The following WNT2B variants were observed in gnomAD, a reference collection of about 807,000 sequenced individuals.
WNT2B encodes the protein Wnt family member 2B.
WNT2B carries 19 observed loss-of-function variants against 40.5 expected under a neutral mutation model. The observed-to-expected ratio is 0.47, with a 90% CI of 0.33 to 0.69. The LOEUF (loss-of-function observed/expected upper bound fraction) is 0.69, where lower values mean the gene tolerates loss of function less well. WNT2B is among the 30% of genes least tolerant of loss of function. The pLI is 0.02. For missense variants in WNT2B, 467 were observed against 556.4 expected (o/e 0.84, Z 1.62); for synonymous variants, 220 against 211.9 (o/e 1.04, Z -0.33).
At chr1:112,510,718 C>T (rs1490180445) in intron 1 of WNT2B, among the ~76,000 whole-genome samples, 1 of 151,144 alleles carries the variant, frequency 6.6e-6, no homozygotes, top group African/African-American at 2.4e-5. Context: ...TTTTAAATCT[C>T]TGCAGTGTTG....
chr1:112,511,309 A>C (rs1027056649), intron 1 of WNT2B, among the ~76,000 whole-genome samples: 1 of 152,338 alleles, frequency 6.6e-6, no homozygotes, highest in Admixed American at 6.5e-5. Flanking sequence ...GGAAGGCTGC[A>C]ACAGGGCCAG....
intron 1 of WNT2B, among the ~76,000 whole-genome samples, chr1:112,495,026 A>G (rs957763592): frequency 6.6e-6 from 1 of 151,534 alleles, no homozygotes; most frequent in Non-Finnish European, 1.5e-5. Flanking sequence ...TTATTTTGTT[A>G]TTACAAGGTA....
At chr1:112,484,613 A>C (rs1209804485) in intron 1 of WNT2B, among the ~76,000 whole-genome samples, 4 of 151,624 alleles carry the variant, frequency 2.6e-5, no homozygotes, top group Admixed American at 2.6e-4. Flanking sequence ...AATTTTTTAA[A>C]TCACCAAACT....
chr1:112,477,245 C>G (rs1651080365), intron 1 of WNT2B, among the ~76,000 whole-genome samples: 1 of 152,218 alleles, frequency 6.6e-6, no homozygotes, highest in African/African-American at 2.4e-5. Context: ...GAGCCATTGG[C>G]CATGCTGATC....
intron 1 of WNT2B, among the ~76,000 whole-genome samples, chr1:112,492,001 T>C (rs1288756035): frequency 6.6e-6 from 1 of 152,022 alleles, no homozygotes; most frequent in Non-Finnish European, 1.5e-5. Flanking sequence ...CTAAGTAAGA[T>C]AGTAACCTGG....
chr1:112,478,956 T>C (rs2101053793), intron 1 of WNT2B, among the ~76,000 whole-genome samples: 1 of 152,202 alleles, frequency 6.6e-6, no homozygotes, highest in African/African-American at 2.4e-5. Context: ...GCGCAGTGGC[T>C]GATACCTGTA....
intron 1 of WNT2B, chr1:112,491,186 G>A: frequency 9.1e-7 from 1 of 1,093,318 alleles, no homozygotes; most frequent in Non-Finnish European, 1.3e-6. Context: ...GAGGCGGGTG[G>A]ATCACAAGGG....
chr1:112,528,569 T>C lies in WNT2B; in HGVS notation c.*8060T>C, dbSNP rs910765631. The C allele has an allele frequency of 3.3e-5, 5 of 152,220 alleles. No homozygotes were observed. The highest frequency in any genetic ancestry group is 7.3e-5 in the Non-Finnish European group (5 of 68,036). 9.4% of individuals were successfully genotyped at this position (152,220 alleles called of 1,614,324 possible). On this transcript the variant is annotated 3_prime_UTR_variant, in exon 5 of 5. Transcript: ENST00000369684. The stretch of plus-strand genomic sequence containing the variant: ...AACTACAGCTCCTTATCATTTGAGA[T>C]TCTGGGCTAAGTAAGAGATATCAAA...
At chr1:112,467,251 G>A in exon 1 of WNT2B, 1 of 416,934 alleles carries the variant, frequency 2.4e-6, no homozygotes, top group East Asian at 4.4e-5. Context: ...GGAGAAGTAA[G>A]CAGGAACTCG....
At chr1:112,506,990 C>T (rs1327182366), upstream of WNT2B, among the ~76,000 whole-genome samples, 2 of 152,176 alleles carry the variant, frequency 1.3e-5, no homozygotes, top group South Asian at 2.1e-4. Flanking sequence ...TCTTCCTCCA[C>T]GCACTCCGCT....
At chr1:112,501,633 T>C (rs1388124946) in intron 1 of WNT2B, among the ~76,000 whole-genome samples, 1 of 148,658 alleles carries the variant, frequency 6.7e-6, no homozygotes, top group Non-Finnish European at 1.5e-5. Flanking sequence ...CTGGGAACTT[T>C]TCAGTTGGCT....
At chr1:112,488,316 A>C (rs1430405282) in intron 1 of WNT2B, among the ~76,000 whole-genome samples, 1 of 151,706 alleles carries the variant, frequency 6.6e-6, no homozygotes, top group Non-Finnish European at 1.5e-5. Flanking sequence ...AAACAACAAC[A>C]ACAAAACACA....
chr1:112,508,943 C>T (rs1047700966), upstream of WNT2B: 32 of 1,182,054 alleles, frequency 2.7e-5, no homozygotes, highest in Non-Finnish European at 3.1e-5. The surrounding 1 kb of genome is among the most constrained non-coding windows in gnomAD (Gnocchi z 4.2). Flanking sequence ...CCAATGAGAG[C>T]CCGCGGCCGA....
At chr1:112,467,604 A>T in intron 1 of WNT2B, 2 of 780,120 alleles carry the variant, frequency 2.6e-6, no homozygotes, top group Non-Finnish European at 4.8e-6. Flanking sequence ...AAGTTGAATG[A>T]AGCACTACTT....
rs974590169 is a variant in WNT2B, at chr1:112,490,784, C to G, written c.-95+23193C>G. Among the ~76,000 whole-genome samples the G allele has an allele frequency of 3.3e-5, 5 of 152,112 alleles. No individual in the cohort carries two copies. The South Asian group carries it at 1.0e-3, about 32-fold the overall frequency. Reference sequence around the variant, plus strand: ...GATTACAGGCGTGAGCCCCCGCGCCCGGCCAAAGAACTCATATTCTTAATG... The same window carrying G: ...GATTACAGGCGTGAGCCCCCGCGCCGGGCCAAAGAACTCATATTCTTAATG... On this transcript the variant is annotated intron_variant, in intron 1 of 4. Transcript: ENST00000256640.
intron 1 of WNT2B, among the ~76,000 whole-genome samples, chr1:112,486,310 T>G (rs1759696): frequency 0.74 from 112,288 of 151,958 alleles, 41,652 homozygotes; most frequent in South Asian, 0.83. Flanking sequence ...GGGCATGGTG[T>G]TAAGTGCCTG....
intron 1 of WNT2B, among the ~76,000 whole-genome samples, chr1:112,477,043 A>G (rs1651073938): frequency 6.6e-6 from 1 of 152,212 alleles, no homozygotes; most frequent in Non-Finnish European, 1.5e-5. Context: ...TGGCACAAAA[A>G]GGGATCCCAT....
Position 112,522,732 on chromosome 1 carries a change from C to A in WNT2B, c.*2223C>A, listed in dbSNP as rs913501222. On this transcript the variant is annotated 3_prime_UTR_variant, in exon 5 of 5. Transcript: ENST00000369684. ...GAGGGGATTTGCTCTGGTTTCACAT[C>A]CATTAACACAAAACATGAGCTAGTC... 6.6e-6 allele frequency: 1 copy of A among 152,262 alleles called. No individual in the cohort carries two copies. Among genetic ancestry groups the A allele is most frequent in the African/African-American group, 2.4e-5 (1 of 41,410 alleles). 9.4% of individuals were successfully genotyped at this position (152,262 alleles called of 1,614,324 possible).
At chr1:112,516,538 C>T in intron 3 of WNT2B, 121 bp downstream of exon 3, 2 of 1,330,548 alleles carry the variant, frequency 1.5e-6, no homozygotes, top group Non-Finnish European at 2.0e-6. Context: ...CTTCCAAAAG[C>T]CCCAACATCC....
Sources: gnomAD v4.1 joint callset for allele counts (sites outside exome capture counted in the v4.1 genomes callset) on GRCh38, gnomAD v4.1.1 for gene constraint, Gnocchi (gnomAD v3.1) non-coding constraint, MANE v1.5 for transcripts, NCBI Gene and HGNC (gene_info 2026-07-23, HGNC 2026-07-21) for gene names.